ANKH: variants seen among roughly 807,000 people sequenced by gnomAD.
ANKH encodes mineralization regulator ANKH.
A neutral mutation model predicts 49.0 loss-of-function variants in ANKH; 15 were observed. That is an observed-to-expected ratio of 0.31 (90% CI 0.20 to 0.47). ANKH has a LOEUF of 0.47. Among genes scored for constraint, ANKH ranks in the 20% least tolerant of loss-of-function variants. The pLI is 1.00. For missense variants in ANKH, 429 were observed against 652.0 expected (o/e 0.66, Z 3.72); for synonymous variants, 273 against 260.0 (o/e 1.05, Z -0.48).
At chr5:14,775,530 C>T (rs1360572825) in intron 1 of ANKH, among the ~76,000 whole-genome samples, 2 of 152,130 alleles carry the variant, frequency 1.3e-5, no homozygotes, top group East Asian at 3.9e-4. Flanking sequence ...GATAAGGGGG[C>T]CTACTATGTG....
chr5:14,714,907 T>C lies in ANKH; in HGVS notation c.1142-1240A>G, dbSNP rs553693389. On this transcript the variant is annotated intron_variant, in intron 9 of 11. Coordinates refer to ENST00000284268, the MANE Select transcript of ANKH (RefSeq NM_054027.6). Reference sequence around the variant, plus strand: ...CTCCTCTGGTCACTACTGTAGAAATTAACTGCATGTGTCTCAATCTGCGAG... The same window carrying C: ...CTCCTCTGGTCACTACTGTAGAAATCAACTGCATGTGTCTCAATCTGCGAG... Among the ~76,000 whole-genome samples, 10 of 152,326 alleles carry C rather than the reference T, an allele frequency of 6.6e-5. No homozygotes were observed. The East Asian group carries it at 1.9e-3, about 29-fold the overall frequency.
At chr5:14,846,288 A>G (rs1001547918) in intron 1 of ANKH, among the ~76,000 whole-genome samples, 1 of 152,190 alleles carries the variant, frequency 6.6e-6, no homozygotes, top group African/African-American at 2.4e-5. Context: ...AGTGTCTACT[A>G]TTTCCATGAT....
intron 1 of ANKH, among the ~76,000 whole-genome samples, chr5:14,815,298 G>C (rs574817959): frequency 5.3e-5 from 8 of 152,246 alleles, no homozygotes; most frequent in African/African-American, 1.9e-4. Flanking sequence ...CCACTGTGTG[G>C]CAATGAGAGA....
rs191016204 is a variant in ANKH, at chr5:14,853,653, G to A, written c.96+17699C>T. 5.9e-3 allele frequency among the ~76,000 whole-genome samples: 891 copies of A among 151,426 alleles called. 6 individuals are homozygous for A. Among genetic ancestry groups the A allele is most frequent in the Admixed American group, 8.1e-3 (123 of 15,212 alleles). On this transcript the variant is annotated intron_variant, in intron 1 of 11. Transcript: ENST00000284268. ...ATATATTATTTCTGTAGAAAGATGT[G>A]TGGGTTTTTTTTGTTTGTTTGTTTT...
chr5:14,781,791 C>T (rs1739814238), intron 1 of ANKH, among the ~76,000 whole-genome samples: 1 of 152,120 alleles, frequency 6.6e-6, no homozygotes, highest in African/African-American at 2.4e-5. Flanking sequence ...ATGCTTATTC[C>T]CCACCTCAAT....
Position 14,745,563 on chromosome 5 carries a change from T to A in ANKH, c.915+307A>T, listed in dbSNP as rs1738506827. ...AACAAACCACAGAAATAAAATCCCA[T>A]AAATTGATTTTGGGGGAAGTTTATT... On this transcript the variant is annotated intron_variant, in intron 7 of 11. Coordinates refer to ENST00000284268, the MANE Select transcript of ANKH (RefSeq NM_054027.6). The surrounding 1 kb of genome is among the most constrained non-coding windows in gnomAD (Gnocchi z 4.7). Among the ~76,000 whole-genome samples, 1 of 152,176 alleles carries A rather than the reference T, an allele frequency of 6.6e-6. No individual in the cohort carries two copies. The highest frequency in any genetic ancestry group is 2.4e-5 in the African/African-American group (1 of 41,432).
intron 2 of ANKH, among the ~76,000 whole-genome samples, chr5:14,759,636 A>C (rs1739009044): frequency 6.6e-6 from 1 of 151,988 alleles, no homozygotes; most frequent in South Asian, 2.1e-4. Flanking sequence ...ACATGCCTGT[A>C]GTCCCAGCTA....
At chr5:14,869,516 A>G (rs1735754740) in intron 1 of ANKH, 1 of 152,226 alleles carries the variant, frequency 6.6e-6, no homozygotes, top group South Asian at 2.1e-4. Context: ...ACACAACTCC[A>G]TTAAGTACTT....
At chr5:14,866,206 A>G (rs1436596994) in intron 1 of ANKH, among the ~76,000 whole-genome samples, 1 of 152,038 alleles carries the variant, frequency 6.6e-6, no homozygotes, top group Non-Finnish European at 1.5e-5. Flanking sequence ...GGGTTTCTTC[A>G]TGTTGGCCAG....
chr5:14,785,019 G>A (rs372406283), intron 1 of ANKH, among the ~76,000 whole-genome samples: 13 of 152,172 alleles, frequency 8.5e-5, no homozygotes, highest in South Asian at 4.1e-4. Context: ...AATCTGCCGC[G>A]TGCGGTGGCT....
chr5:14,757,126 C>T (rs888005254), intron 3 of ANKH, among the ~76,000 whole-genome samples: 2 of 152,030 alleles, frequency 1.3e-5, no homozygotes, highest in African/African-American at 4.8e-5. Flanking sequence ...GGACAGACCT[C>T]AGAGGAATGA....
chr5:14,784,028 C>G (rs889733001), intron 1 of ANKH, among the ~76,000 whole-genome samples: 1 of 152,240 alleles, frequency 6.6e-6, no homozygotes, highest in Non-Finnish European at 1.5e-5. Flanking sequence ...GCCCTCAGGG[C>G]CCTGGTAGAG....
intron 7 of ANKH, among the ~76,000 whole-genome samples, chr5:14,743,457 A>C (rs1309662180): frequency 6.6e-6 from 1 of 152,230 alleles, no homozygotes; most frequent in Non-Finnish European, 1.5e-5. Flanking sequence ...TTAGCACTGG[A>C]GTTTCAGTTT....
intron 1 of ANKH, among the ~76,000 whole-genome samples, chr5:14,844,269 G>T (rs919371265): frequency 1.3e-5 from 2 of 152,148 alleles, no homozygotes; most frequent in Non-Finnish European, 2.9e-5. Flanking sequence ...TGCACAATAA[G>T]TGAATAGGCA....
chr5:14,735,573 G>A (rs1372628572), intron 8 of ANKH, among the ~76,000 whole-genome samples: 2 of 152,200 alleles, frequency 1.3e-5, no homozygotes, highest in African/African-American at 2.4e-5. Context: ...CTGCCCCACA[G>A]TTCTGGAGAC....
chr5:14,802,826 C>T (rs1376967194), intron 1 of ANKH, among the ~76,000 whole-genome samples: 1 of 152,158 alleles, frequency 6.6e-6, no homozygotes, highest in Admixed American at 6.5e-5. Flanking sequence ...TTCCTTCTCC[C>T]ATAGCATGTA....
At chr5:14,714,036 C>A (rs1291624420) in intron 9 of ANKH, among the ~76,000 whole-genome samples, 2 of 152,246 alleles carry the variant, frequency 1.3e-5, no homozygotes, top group Non-Finnish European at 2.9e-5. Context: ...AGAAAAGTGG[C>A]ACTCTAGTGT....
chr5:14,715,965 T>C (rs1737437132), intron 9 of ANKH, among the ~76,000 whole-genome samples: 1 of 152,266 alleles, frequency 6.6e-6, no homozygotes. Flanking sequence ...TCTGTCTTTG[T>C]ATATCTCCAG....
In ANKH at chr5:14,709,775, G is replaced by A. The variant is rs1044728417; in HGVS notation, c.*1422C>T. 2 of 152,496 alleles carry A rather than the reference G, an allele frequency of 1.3e-5. No homozygotes were observed. Among genetic ancestry groups the A allele is most frequent in the African/African-American group, 4.8e-5 (2 of 41,384 alleles). The allele number at this position is 152,496 out of a possible 1,614,324, so 9.4% of individuals were successfully genotyped here. ...GGTACAATGTTCATTGATACAATACGTTTCAACTGCAGGTATGTTGAGCAC... is the reference window on the plus strand; with the variant it reads ...GGTACAATGTTCATTGATACAATACATTTCAACTGCAGGTATGTTGAGCAC... On this transcript the variant is annotated 3_prime_UTR_variant, in exon 12 of 12. Transcript: ENST00000284268.
Sources: allele counts gnomAD v4.1 joint callset (sites outside exome capture counted in the v4.1 genomes callset), GRCh38; gene constraint gnomAD v4.1.1; non-coding constraint Gnocchi (gnomAD v3.1); transcripts MANE v1.5; gene names NCBI Gene and HGNC (gene_info 2026-07-23, HGNC 2026-07-21).